The following DLGAP1 variants were observed in gnomAD, a reference collection of about 807,000 sequenced individuals.
DLGAP1 encodes the protein disks large-associated protein 1.
A neutral mutation model predicts 90.8 loss-of-function variants in DLGAP1; 11 were observed. That is an observed-to-expected ratio of 0.12 (90% confidence interval 0.08 to 0.20). The LOEUF is 0.20. Ranked by LOEUF, DLGAP1 falls within the 10% of genes least tolerant of loss-of-function variation. DLGAP1 has a pLI of 1.00. For synonymous variants in DLGAP1, 558 were observed against 540.7 expected (o/e 1.03, Z -0.44); for missense variants, 1,050 against 1,333.8 (o/e 0.79, Z 3.31).
At chr18:3,919,437 G>A (rs1460972512) in intron 3 of DLGAP1, among the ~76,000 whole-genome samples, 1 of 152,222 alleles carries the variant, frequency 6.6e-6, no homozygotes, top group African/African-American at 2.4e-5. Flanking sequence ...TGAGGCTAGT[G>A]AATGACTTTA....
At chr18:3,720,956 G>A (rs7359709) in intron 7 of DLGAP1, among the ~76,000 whole-genome samples, 1 of 149,802 alleles carries the variant, frequency 6.7e-6, no homozygotes, top group Non-Finnish European at 1.5e-5. Flanking sequence ...GCTGAGTTGA[G>A]AGGATTACTG....
intron 2 of DLGAP1, among the ~76,000 whole-genome samples, chr18:4,094,602 TCTTTC>T (rs2075643501): frequency 7.4e-6 from 1 of 135,860 alleles, no homozygotes; most frequent in African/African-American, 2.8e-5. Context: ...CCTTCCTTTC[TCTTTC>T]TTTTTTTTTT....
intron 5 of DLGAP1, among the ~76,000 whole-genome samples, chr18:3,802,777 T>C (rs1264141534): frequency 6.6e-6 from 1 of 152,216 alleles, no homozygotes; most frequent in Non-Finnish European, 1.5e-5. Context: ...TCAGGGCATT[T>C]AGCAGCTTGA....
chr18:4,002,036 T>C (rs1347136682), intron 3 of DLGAP1, among the ~76,000 whole-genome samples: 2 of 34,406 alleles, frequency 5.8e-5, no homozygotes, highest in Admixed American at 1.8e-4. Flanking sequence ...AACCCACACA[T>C]ATTTGGTTTA....
intron 5 of DLGAP1, among the ~76,000 whole-genome samples, chr18:3,790,123 TCA>T (rs1183044188): frequency 6.6e-6 from 1 of 152,190 alleles, no homozygotes; most frequent in Non-Finnish European, 1.5e-5. Flanking sequence ...TGTAAAATTC[TCA>T]GTCTCCAAAA....
At chr18:4,393,795 G>C (rs1480074873) in intron 1 of DLGAP1, among the ~76,000 whole-genome samples, 1 of 152,178 alleles carries the variant, frequency 6.6e-6, no homozygotes, top group African/African-American at 2.4e-5. Flanking sequence ...GTTCTGGGAT[G>C]AAACTGTTCC....
chr18:4,222,916 A>C (rs2034653843), intron 1 of DLGAP1, among the ~76,000 whole-genome samples: 1 of 152,114 alleles, frequency 6.6e-6, no homozygotes, highest in Non-Finnish European at 1.5e-5. Flanking sequence ...AAAATATTGG[A>C]ATGACCATAA....
At chr18:4,229,279 T>C (rs939030166) in intron 1 of DLGAP1, among the ~76,000 whole-genome samples, 4 of 151,966 alleles carry the variant, frequency 2.6e-5, no homozygotes, top group Non-Finnish European at 5.9e-5. Flanking sequence ...TGGAATACAA[T>C]CTCTATCAAA....
intron 4 of DLGAP1, among the ~76,000 whole-genome samples, chr18:3,818,098 G>A (rs1353654955): frequency 1.3e-5 from 2 of 152,130 alleles, no homozygotes; most frequent in Non-Finnish European, 2.9e-5. Flanking sequence ...TTTTATAGTA[G>A]TTATGGATGA....
chr18:4,399,178 C>T lies in DLGAP1; in HGVS notation c.-267+55828G>A, dbSNP rs544149901. ...ATTAGAAAAGATGATTTCAAAATAT[C>T]TTTTTCATAACTCACTTCAATGTCA... On this transcript the variant is annotated intron_variant, in intron 1 of 12. Coordinates refer to ENST00000315677, the MANE Select transcript of DLGAP1 (RefSeq NM_004746.4). Among the ~76,000 whole-genome samples the T allele has an allele frequency of 3.9e-5, 6 of 152,254 alleles. No individual in the cohort carries two copies. The South Asian group carries it at 1.2e-3, about 32-fold the overall frequency.
chr18:3,853,842 G>T (rs1463253116), intron 4 of DLGAP1, among the ~76,000 whole-genome samples: 1 of 152,052 alleles, frequency 6.6e-6, no homozygotes, highest in African/African-American at 2.4e-5. Context: ...GTTTGTTTCT[G>T]TTTTTGCTCA....
At chr18:4,394,896 G>T (rs2082408789) in intron 1 of DLGAP1, among the ~76,000 whole-genome samples, 2 of 152,188 alleles carry the variant, frequency 1.3e-5, no homozygotes, top group African/African-American at 4.8e-5. Context: ...AAGTGAACAT[G>T]AGACAGCTCA....
In DLGAP1 at chr18:3,502,752, C is replaced by A. The variant is rs1452501299; in HGVS notation, c.2572-107G>T. On this transcript the variant is annotated intron_variant, in intron 11 of 12. Transcript: ENST00000315677. ...TCAAACAACATAAGGAGGACTAGTT[C>A]CTTTTGGTTTTCCGACACGAGGTAA... 21 of 1,316,862 alleles carry A rather than the reference C, an allele frequency of 1.6e-5. 1 individual carries two copies. The South Asian group carries it at 2.4e-4, about 15-fold the overall frequency. 81.6% of individuals were successfully genotyped at this position (1,316,862 alleles called of 1,614,324 possible). A position where few individuals can be genotyped will look rare whatever the true frequency, so the allele number is the denominator to read the frequency against.
intron 1 of DLGAP1, among the ~76,000 whole-genome samples, chr18:4,413,148 A>G (rs2082817120): frequency 6.6e-6 from 1 of 152,122 alleles, no homozygotes; most frequent in Non-Finnish European, 1.5e-5. Flanking sequence ...CTCGTTATCC[A>G]TCTAGACAAA....
chr18:3,826,070 A>C (rs993151562), intron 4 of DLGAP1, among the ~76,000 whole-genome samples: 1 of 152,234 alleles, frequency 6.6e-6, no homozygotes, highest in Non-Finnish European at 1.5e-5. Context: ...GTGGGAGCTA[A>C]ACGATGACTA....
At chr18:3,661,745 T>TG in intron 7 of DLGAP1, among the ~76,000 whole-genome samples, 1 of 145,532 alleles carries the variant, frequency 6.9e-6, no homozygotes, top group South Asian at 2.1e-4. Context: ...CCTGGATGAT[T>TG]TTTTTTTTTG....
intron 4 of DLGAP1, among the ~76,000 whole-genome samples, chr18:3,858,531 C>T (rs57552959): frequency 0.12 from 17,371 of 148,880 alleles, 1,090 homozygotes; most frequent in Admixed American, 0.15. Context: ...TATATATGCA[C>T]ACACACACAC....
At position 3,588,779 on chromosome 18, in the gene DLGAP1, C is replaced by CAAA. The variant is rs11449545; in HGVS notation, c.1592-6534_1592-6532dup. ...TGAGCGACAGAGCGAGACTCCATCT[C>CAAA]AAAAAAAAAAAAAAGAAAAAAGAAA... is the stretch of plus-strand genomic sequence containing the variant. On this transcript the variant is annotated intron_variant, in intron 7 of 12. Transcript: ENST00000315677. Among the ~76,000 whole-genome samples, 58 of 135,026 alleles carry CAAA rather than the reference C, an allele frequency of 4.3e-4. 1 individual carries two copies. The highest frequency in any genetic ancestry group is 9.4e-4 in the South Asian group (4 of 4,244). 88.6% of individuals were successfully genotyped at this position (135,026 alleles called of 152,430 possible).
chr18:4,341,795 C>T (rs2081194288), intron 1 of DLGAP1, among the ~76,000 whole-genome samples: 1 of 152,080 alleles, frequency 6.6e-6, no homozygotes, highest in African/African-American at 2.4e-5. Flanking sequence ...TTCATTTTAG[C>T]TCTTACTTGG....
Sources: allele counts gnomAD v4.1 joint callset (sites outside exome capture counted in the v4.1 genomes callset), GRCh38; gene constraint gnomAD v4.1.1; transcripts MANE v1.5; gene names NCBI Gene and HGNC (gene_info 2026-07-23, HGNC 2026-07-21).